LINGO2: variants seen among roughly 807,000 people sequenced by gnomAD.
LINGO2 encodes leucine-rich repeat and immunoglobulin-like domain-containing nogo receptor-interacting protein 2.
In LINGO2, 14 loss-of-function variants were observed where a neutral mutation model predicts 30.6. The ratio of observed to expected loss-of-function variants is 0.46; its 90% confidence interval spans 0.30 to 0.72. LINGO2 has a LOEUF of 0.72. LINGO2 is among the 30% of genes least tolerant of loss of function. The pLI is 0.07. For missense variants in LINGO2, 729 were observed against 751.7 expected, an observed-to-expected ratio of 0.97 and a Z score of 0.35; for synonymous variants, 317 against 288.5, an observed-to-expected ratio of 1.10 and a Z score of -1.00.
intron 4 of LINGO2, among the ~76,000 whole-genome samples, chr9:28,127,682 T>TCTCTCTATGGTGGAAATGTC (rs1827277305): frequency 2.0e-5 from 3 of 152,088 alleles, no homozygotes; most frequent in Non-Finnish European, 2.9e-5. Context: ...GTGGAAATGT[T>TCTCTCTATGGTGGAAATGTC]CTCTCTATGG....
rs188454582 is a variant in LINGO2 at position 28,357,791 on chromosome 9, G to T, written c.-246+15045C>A. Reference sequence around the variant, plus strand: ...AAACATCAGAGTGAAGAAGAGTGGGGAACTTATCATGGAGCATTAATTCTA... The same window carrying T: ...AAACATCAGAGTGAAGAAGAGTGGGTAACTTATCATGGAGCATTAATTCTA... On this transcript the variant is annotated intron_variant, in intron 3 of 5. Transcript: ENST00000379992. Among the ~76,000 whole-genome samples, 10 of 152,106 alleles carry T rather than the reference G, an allele frequency of 6.6e-5. No homozygotes were observed. In the East Asian group the frequency reaches 1.7e-3, roughly 26 times the overall value.
At chr9:29,065,899 CTTTG>C in the LINGO2 span, among the ~76,000 whole-genome samples, 2 of 151,862 alleles carry the variant, frequency 1.3e-5, no homozygotes, top group East Asian at 3.9e-4. Context: ...TTTTCTACAA[CTTTG>C]TTTTTGATTC....
chr9:28,245,404 G>A (rs1161135392), intron 4 of LINGO2, among the ~76,000 whole-genome samples: 3 of 152,158 alleles, frequency 2.0e-5, no homozygotes, highest in East Asian at 1.9e-4. Flanking sequence ...AGGTAAGGAT[G>A]TCCTCTCTCA....
At chr9:29,177,209 T>C in the LINGO2 span, among the ~76,000 whole-genome samples, 1 of 152,228 alleles carries the variant, frequency 6.6e-6, no homozygotes, top group Non-Finnish European at 1.5e-5. Flanking sequence ...TTAGTAAATA[T>C]TGTAATCACA....
the LINGO2 span, among the ~76,000 whole-genome samples, chr9:28,742,464 T>C: frequency 6.6e-6 from 1 of 151,910 alleles, no homozygotes; most frequent in Admixed American, 6.6e-5. Flanking sequence ...CTGGAGTTAT[T>C]TTCTCAGTGG....
chr9:28,872,990 A>T, the LINGO2 span, among the ~76,000 whole-genome samples: 1 of 152,178 alleles, frequency 6.6e-6, no homozygotes, highest in Non-Finnish European at 1.5e-5. Flanking sequence ...AACATAATCC[A>T]TATTTAATAT....
At chr9:28,237,818 C>T (rs1821632478) in intron 4 of LINGO2, among the ~76,000 whole-genome samples, 1 of 152,092 alleles carries the variant, frequency 6.6e-6, no homozygotes, top group Non-Finnish European at 1.5e-5. Flanking sequence ...TGTGCCACTG[C>T]ACTCCAGCCT....
chr9:28,695,304 G>T, the LINGO2 span, among the ~76,000 whole-genome samples: 1 of 151,814 alleles, frequency 6.6e-6, no homozygotes, highest in Non-Finnish European at 1.5e-5. Context: ...GCTTTTAATT[G>T]ATATATAAAT....
intron 3 of LINGO2, among the ~76,000 whole-genome samples, chr9:28,309,416 A>C (rs1400707708): frequency 7.5e-6 from 1 of 133,944 alleles, no homozygotes; most frequent in East Asian, 2.6e-4. Flanking sequence ...GGAACATCAC[A>C]CTCTGGGGAC....
chr9:28,018,222 G>T (rs1237606824), intron 4 of LINGO2, among the ~76,000 whole-genome samples: 1 of 152,066 alleles, frequency 6.6e-6, no homozygotes, highest in Non-Finnish European at 1.5e-5. Flanking sequence ...ATCAATTAAA[G>T]ACTTAACTGT....
At chr9:28,226,353 C>G (rs1308000840) in intron 4 of LINGO2, among the ~76,000 whole-genome samples, 1 of 152,126 alleles carries the variant, frequency 6.6e-6, no homozygotes, top group South Asian at 2.1e-4. Flanking sequence ...TATTCCTCTC[C>G]TCCTACTTCT....
At chr9:28,474,798 G>A (rs1350177484) in intron 2 of LINGO2, among the ~76,000 whole-genome samples, 2 of 152,168 alleles carry the variant, frequency 1.3e-5, no homozygotes, top group East Asian at 3.8e-4. Context: ...GTATGGTCAG[G>A]CTGGTGTCAA....
chr9:28,287,258 A>G (rs1366501182), intron 4 of LINGO2, among the ~76,000 whole-genome samples: 2 of 152,230 alleles, frequency 1.3e-5, no homozygotes, highest in African/African-American at 4.8e-5. Flanking sequence ...CCGTACAACA[A>G]TGGTAATTTT....
chr9:28,933,902 A>G, the LINGO2 span, among the ~76,000 whole-genome samples: 5 of 152,220 alleles, frequency 3.3e-5, no homozygotes. Flanking sequence ...AAATATGCAT[A>G]CAATTTATTA....
At chr9:28,757,758 G>C in the LINGO2 span, among the ~76,000 whole-genome samples, 26,846 of 151,768 alleles carry the variant, frequency 0.18, 2,927 homozygotes, top group East Asian at 0.53. Context: ...AGGGGTGAGG[G>C]AGAGGGTCAG....
chr9:28,533,066 T>G (rs1448162461), intron 1 of LINGO2, among the ~76,000 whole-genome samples: 1 of 151,720 alleles, frequency 6.6e-6, no homozygotes, highest in Non-Finnish European at 1.5e-5. Flanking sequence ...TTGCCAAAGG[T>G]GGACTGGGAG....
the LINGO2 span, chr9:27,940,324 C>T: frequency 1.3e-5 from 2 of 152,088 alleles, no homozygotes; most frequent in Non-Finnish European, 2.9e-5. Flanking sequence ...CCTTCCCAAT[C>T]CTTTATTTTT....
intron 3 of LINGO2, among the ~76,000 whole-genome samples, chr9:28,328,084 T>A (rs1052559860): frequency 1.3e-5 from 2 of 152,084 alleles, no homozygotes; most frequent in Non-Finnish European, 2.9e-5. Context: ...GCAAGAAGAA[T>A]TGCAGTGGAG....
intron 4 of LINGO2, among the ~76,000 whole-genome samples, chr9:28,284,726 T>C (rs955841883): frequency 1.3e-5 from 2 of 152,222 alleles, no homozygotes; most frequent in African/African-American, 4.8e-5. Context: ...ATTTGTTTGC[T>C]ACTGTAAAGA....
Sources: allele counts gnomAD v4.1 joint callset (sites outside exome capture counted in the v4.1 genomes callset), GRCh38; gene constraint gnomAD v4.1.1; transcripts MANE v1.5; gene names NCBI Gene and HGNC (gene_info 2026-07-23, HGNC 2026-07-21).